The following PDCD1LG2 variants were observed in gnomAD, a reference collection of about 807,000 sequenced individuals.
PDCD1LG2 encodes the protein B7 dendritic cell molecule.
A neutral mutation model predicts 28.2 loss-of-function variants in PDCD1LG2; 32 were observed. The observed-to-expected ratio is 1.13, with a 90% CI of 0.86 to 1.52. The LOEUF is 1.52. Ranked by LOEUF, PDCD1LG2 falls within the 40% of genes most tolerant of loss-of-function variation. PDCD1LG2 has a pLI of 0.00. For missense variants in PDCD1LG2, 385 were observed against 323.8 expected (o/e 1.19, Z -1.45); for synonymous variants, 116 against 120.2 (o/e 0.97, Z 0.23).
At chr9:5,516,096 G>A (rs748593549) in intron 1 of PDCD1LG2, among the ~76,000 whole-genome samples, 5 of 151,896 alleles carry the variant, frequency 3.3e-5, no homozygotes, top group Non-Finnish European at 5.9e-5. Flanking sequence ...CTGTCACCAG[G>A]GCTGGAGTGC....
At chr9:5,535,938 A>G (rs1478323972) in intron 3 of PDCD1LG2, among the ~76,000 whole-genome samples, 1 of 152,242 alleles carries the variant, frequency 6.6e-6, no homozygotes, top group Non-Finnish European at 1.5e-5. Flanking sequence ...TCATTGGCTT[A>G]TGGTCTCCAG....
rs1461212079 is a variant in PDCD1LG2 at position 5,569,962 on chromosome 9, C to G, written c.*3C>G. ...TGGGCTTTTCTCCCCAGATCTGAAC[C>G]TGTGGTCTTGGGAGCCAGGGTGACC... On this transcript the variant is annotated 3_prime_UTR_variant, in exon 7 of 7. Coordinates refer to ENST00000397747, the MANE Select transcript of PDCD1LG2 (RefSeq NM_025239.4). This position sits in a 1 kb window ranked among gnomAD's most constrained non-coding sequence, Gnocchi z 4.1. The G allele has an allele frequency of 1.2e-6, 2 of 1,613,972 alleles. No individual in the cohort carries two copies. The highest frequency in any genetic ancestry group is 1.7e-5 in the Admixed American group (1 of 60,024).
chr9:5,519,588 T>C lies in PDCD1LG2; in HGVS notation c.-14-2945T>C, dbSNP rs1280123815. On this transcript the variant is annotated intron_variant, in intron 1 of 6. Coordinates refer to ENST00000397747, the MANE Select transcript of PDCD1LG2 (RefSeq NM_025239.4). ...CATGTCTCAGTCCTTGGGCACTCTC[T>C]TTCCTATCTCTCTGTAGGTGATGTA... Among the ~76,000 whole-genome samples, 5 of 152,346 alleles carry C rather than the reference T, an allele frequency of 3.3e-5. No individual in the cohort carries two copies. In the East Asian group the frequency reaches 5.8e-4, roughly 18 times the overall value.
In PDCD1LG2 at chr9:5,530,323, G is replaced by A. The variant is rs1481232606; in HGVS notation, c.56-4422G>A. 2.0e-5 allele frequency among the ~76,000 whole-genome samples: 3 copies of A among 152,276 alleles called. No homozygotes were observed. The East Asian group carries it at 5.8e-4, about 29-fold the overall frequency. On this transcript the variant is annotated intron_variant, in intron 2 of 6. Coordinates refer to ENST00000397747, the MANE Select transcript of PDCD1LG2 (RefSeq NM_025239.4). Reference sequence around the variant, plus strand: ...AGGGCCCCACATGAATGGAAAGCCTGTGTTGTCAGCTTAATTTTGTAGTTG... The same window carrying A: ...AGGGCCCCACATGAATGGAAAGCCTATGTTGTCAGCTTAATTTTGTAGTTG...
chr9:5,549,672 A>C, intron 4 of PDCD1LG2, 68 bp downstream of exon 4: 1 of 1,569,844 alleles, frequency 6.4e-7, no homozygotes. Context: ...GGCATACTCG[A>C]GTGATTTGAG....
intron 3 of PDCD1LG2, among the ~76,000 whole-genome samples, chr9:5,535,393 C>A (rs967206101): frequency 6.6e-6 from 1 of 152,116 alleles, no homozygotes; most frequent in Non-Finnish European, 1.5e-5. Context: ...TTAAGATACT[C>A]TTTTTCAATA....
At position 5,559,645 on chromosome 9, in the gene PDCD1LG2, G is replaced by C. The variant is rs369847220; in HGVS notation, c.766+1893G>C. Among the ~76,000 whole-genome samples, 4 of 152,306 alleles carry C rather than the reference G, an allele frequency of 2.6e-5. No homozygotes were observed. The East Asian group carries it at 7.7e-4, about 29-fold the overall frequency. On this transcript the variant is annotated intron_variant, in intron 5 of 6. Transcript: ENST00000397747. ...ACTGCCGCTAGTGTGGTTCAACTTG[G>C]ACTACAGAGAAATCTTCCTAACTGG...
At chr9:5,566,236 T>A (rs1816663465) in intron 6 of PDCD1LG2, among the ~76,000 whole-genome samples, 1 of 152,224 alleles carries the variant, frequency 6.6e-6, no homozygotes, top group South Asian at 2.1e-4. Context: ...GATGAATATT[T>A]TCCCTTCCAA....
chr9:5,521,146 G>C (rs1820266054), intron 1 of PDCD1LG2, among the ~76,000 whole-genome samples: 1 of 152,102 alleles, frequency 6.6e-6, no homozygotes, highest in South Asian at 2.1e-4. Context: ...CCATTTTTAT[G>C]AAATATCCAG....
At chr9:5,548,858 T>C (rs1816264281) in intron 3 of PDCD1LG2, among the ~76,000 whole-genome samples, 1 of 152,228 alleles carries the variant, frequency 6.6e-6, no homozygotes, top group Admixed American at 6.5e-5. Context: ...TGAAGATGTT[T>C]GGAAAAAATA....
At chr9:5,550,852 C>A (rs551702030) in intron 4 of PDCD1LG2, among the ~76,000 whole-genome samples, 1 of 152,140 alleles carries the variant, frequency 6.6e-6, no homozygotes, top group African/African-American at 2.4e-5. Flanking sequence ...TGCCAACATG[C>A]CTGGCTAATT....
chr9:5,562,503 T>C (rs922260945), intron 5 of PDCD1LG2, among the ~76,000 whole-genome samples: 1 of 151,646 alleles, frequency 6.6e-6, no homozygotes, highest in African/African-American at 2.4e-5. Flanking sequence ...GAGTAGGGAG[T>C]GGCAGTGAGG....
At chr9:5,559,722 G>C (rs151293496) in intron 5 of PDCD1LG2, among the ~76,000 whole-genome samples, 122 of 152,226 alleles carry the variant, frequency 8.0e-4, no homozygotes, top group African/African-American at 2.8e-3. Flanking sequence ...CTCACTTTTT[G>C]CTATAATAGG....
chr9:5,551,451 A>T (rs7855354), intron 4 of PDCD1LG2, among the ~76,000 whole-genome samples: 41,446 of 152,028 alleles, frequency 0.27, 6,261 homozygotes, highest in African/African-American at 0.39. Context: ...TCAAAGTTGT[A>T]GTGTGGACAA....
At chr9:5,534,689 G>C (rs983103869) in intron 2 of PDCD1LG2, 56 bp from the exon 3 acceptor site, 2 of 1,497,796 alleles carry the variant, frequency 1.3e-6, no homozygotes, top group Admixed American at 3.8e-5. Context: ...CACTTCGTAA[G>C]AACTGGAATG....
intron 1 of PDCD1LG2, among the ~76,000 whole-genome samples, chr9:5,514,485 C>T (rs1185251596): frequency 2.6e-5 from 4 of 152,096 alleles, no homozygotes; most frequent in Admixed American, 1.3e-4. Context: ...TTTCTGTTTA[C>T]GAACTTATCC....
chr9:5,538,272 C>A (rs1317303800), intron 3 of PDCD1LG2, among the ~76,000 whole-genome samples: 1 of 152,026 alleles, frequency 6.6e-6, no homozygotes, highest in African/African-American at 2.4e-5. Context: ...ATTATTCCAG[C>A]ATGTTTCATA....
rs117748452 is a variant in PDCD1LG2, at chr9:5,522,617, G to A, written c.55+16G>A. The stretch of plus-strand genomic sequence containing the variant: ...CAGATAGCAGGTAAGAAAGGACAAA[G>A]GGAGAGGCTTAAGAAAGAAGAGCAG... On this transcript the variant is annotated intron_variant, in intron 2 of 6. Transcript: ENST00000397747. The A allele has an allele frequency of 1.2e-6, 2 of 1,611,924 alleles. No individual in the cohort carries two copies. Among genetic ancestry groups the A allele is most frequent in the Non-Finnish European group, 8.5e-7 (1 of 1,178,308 alleles).
rs1214332551 is a variant in PDCD1LG2 at position 5,549,590 on chromosome 9, G to T, written c.617G>T (p.Ser206Ile). 1 of 1,614,216 alleles carries T rather than the reference G, an allele frequency of 6.2e-7. No homozygotes were observed. Among genetic ancestry groups the T allele is most frequent in the African/African-American group, 1.3e-5 (1 of 75,064 alleles). Residue 206 changes from serine (S) to isoleucine (I), a missense_variant, in exon 4 of 7, where the codon AGC (serine) becomes ATC (isoleucine). Coordinates refer to ENST00000397747, the MANE Select transcript of PDCD1LG2 (RefSeq NM_025239.4). Reference protein sequence around the residue: ...NTHVRELTLASIDLQSQMEPR... With the variant: ...NTHVRELTLAIIDLQSQMEPR... ...CACGTGAGGGAACTTACTTTGGCCA[G>T]CATTGACCTTCAAAGTAAGAGCTGC...
Sources: allele counts gnomAD v4.1 joint callset (sites outside exome capture counted in the v4.1 genomes callset), GRCh38; gene constraint gnomAD v4.1.1; non-coding constraint Gnocchi (gnomAD v3.1); transcripts MANE v1.5; gene names NCBI Gene and HGNC (gene_info 2026-07-23, HGNC 2026-07-21).